Variants in TOX2 observed in about 807,000 individuals in gnomAD.
TOX2 encodes the protein granulosa cell HMG box 1.
In TOX2, 15 loss-of-function variants were observed where a neutral mutation model predicts 47.4. The observed-to-expected ratio is 0.32, with a 90% confidence interval of 0.21 to 0.49. The LOEUF (loss-of-function observed/expected upper bound fraction) is 0.49. Ranked by LOEUF, TOX2 falls within the 20% of genes least tolerant of loss-of-function variation. The pLI, the probability that TOX2 is intolerant of heterozygous loss-of-function variation, is 0.99. For missense variants in TOX2, 622 were observed against 673.1 expected (o/e 0.92, Z 0.84); for synonymous variants, 290 against 296.6 (o/e 0.98, Z 0.23).
intron 3 of TOX2, among the ~76,000 whole-genome samples, chr20:44,010,845 G>A (rs2070766915): frequency 6.6e-6 from 1 of 152,056 alleles, no homozygotes; most frequent in Non-Finnish European, 1.5e-5. Context: ...CACCAACTTG[G>A]GGGCTTAAAA....
chr20:44,016,344 G>A (rs2070877896), intron 3 of TOX2, among the ~76,000 whole-genome samples: 2 of 151,980 alleles, frequency 1.3e-5, no homozygotes, highest in South Asian at 2.1e-4. Context: ...AGCTGGTCTC[G>A]AACTCCTGAG....
At chr20:44,032,549 G>A (rs921938168) in intron 3 of TOX2, among the ~76,000 whole-genome samples, 3 of 152,116 alleles carry the variant, frequency 2.0e-5, no homozygotes, top group Non-Finnish European at 2.9e-5. Flanking sequence ...AGTTGGGGAG[G>A]CCAGAGAGGT....
intron 4 of TOX2, among the ~76,000 whole-genome samples, chr20:44,053,437 T>C (rs1050514338): frequency 1.5e-5 from 1 of 67,180 alleles, no homozygotes; most frequent in Non-Finnish European, 3.3e-5. Flanking sequence ...AGGGCAGATA[T>C]ATACACACAC....
chr20:43,983,919 T>C (rs1010389991), intron 2 of TOX2, among the ~76,000 whole-genome samples: 1 of 152,186 alleles, frequency 6.6e-6, no homozygotes, highest in African/African-American at 2.4e-5. Context: ...AGTAAATGTA[T>C]TGGAGGCAGG....
intron 1 of TOX2, among the ~76,000 whole-genome samples, chr20:43,926,834 C>A (rs752014449): frequency 6.6e-6 from 1 of 152,252 alleles, no homozygotes; most frequent in African/African-American, 2.4e-5. Context: ...ACACAGCCTG[C>A]CAGCAAGGCA....
chr20:43,994,459 C>CAAAAAAAAA (rs1555837275), intron 2 of TOX2, among the ~76,000 whole-genome samples: 1 of 128,000 alleles, frequency 7.8e-6, no homozygotes, highest in Non-Finnish European at 1.7e-5. Context: ...ACCCTGTCTC[C>CAAAAAAAAA]AAAAAAAAAA....
intron 2 of TOX2, among the ~76,000 whole-genome samples, chr20:43,978,763 T>TTGTGTGTGTGTGTGTG (rs9305120): frequency 1.4e-4 from 20 of 146,602 alleles, no homozygotes; most frequent in African/African-American, 2.5e-4. Flanking sequence ...TTGAAAGAAC[T>TTGTGTGTGTGTGTGTG]TGTGTGTGTG....
intron 4 of TOX2, among the ~76,000 whole-genome samples, chr20:44,051,943 T>C (rs2071520223): frequency 6.6e-6 from 1 of 152,068 alleles, no homozygotes; most frequent in South Asian, 2.1e-4. Context: ...CAACAAATGT[T>C]GAGGGGATGG....
intron 1 of TOX2, among the ~76,000 whole-genome samples, chr20:43,971,966 G>A (rs2069978384): frequency 6.6e-6 from 1 of 152,162 alleles, no homozygotes; most frequent in South Asian, 2.1e-4. Context: ...GTGGGGTGGT[G>A]TTGCTTTTTG....
Position 44,051,413 on chromosome 20 carries a change from G to C in TOX2, c.519G>C (p.Gln173His). The stretch of plus-strand genomic sequence containing the variant: ...CCAGCCACATGAGTGCCCTCAGCCA[G>C]TCCCAGCTCATCTCGCAGATGGGCA... ...MLASHMSALS[Q>H]SQLISQMGIR... Residue 173 changes from glutamine to histidine, a missense_variant, in exon 4 of 9, where the codon CAG (glutamine) becomes CAC (histidine). By Grantham distance (24) the Gln-to-His change is conservative. This residue lies in a region of TOX2 where 307 missense variants were observed against 327.3 expected (regional missense o/e 0.94). Transcript: ENST00000341197. 6.2e-7 allele frequency: 1 copy of C among 1,614,122 alleles called. No individual in the cohort carries two copies. The highest frequency in any genetic ancestry group is 8.5e-7 in the Non-Finnish European group (1 of 1,179,990).
chr20:43,926,791 C>T (rs1431686837), intron 1 of TOX2, among the ~76,000 whole-genome samples: 1 of 152,208 alleles, frequency 6.6e-6, no homozygotes, highest in East Asian at 1.9e-4. Context: ...ACACTTGGCA[C>T]CAGTCTCCTC....
intron 2 of TOX2, among the ~76,000 whole-genome samples, chr20:44,006,096 G>T (rs1190664032): frequency 1.3e-5 from 2 of 152,212 alleles, no homozygotes; most frequent in African/African-American, 2.4e-5. Context: ...AAATGGCCTG[G>T]CTTCCCTGGA....
rs538348090 is a variant in TOX2, at chr20:44,009,047, G to C, written c.411+2255G>C. ...ACATACACCTGTGGCACAGGAGGAGGCCTGCTTAGTTGATTTTCCTAGCAG... is the reference window on the plus strand; with the variant it reads ...ACATACACCTGTGGCACAGGAGGAGCCCTGCTTAGTTGATTTTCCTAGCAG... On this transcript the variant is annotated intron_variant, in intron 3 of 8. Coordinates refer to ENST00000341197, the MANE Select transcript of TOX2 (RefSeq NM_001098797.2). Among the ~76,000 whole-genome samples the C allele has an allele frequency of 3.3e-5, 5 of 152,290 alleles. No homozygotes were observed. In the East Asian group the frequency reaches 7.7e-4, roughly 24 times the overall value.
intron 1 of TOX2, among the ~76,000 whole-genome samples, chr20:43,965,212 G>A (rs374875139): frequency 1.4e-4 from 22 of 152,282 alleles, no homozygotes; most frequent in African/African-American, 4.6e-4. Context: ...TGTGGCTATT[G>A]GGAGTAAGAC....
intron 1 of TOX2, among the ~76,000 whole-genome samples, chr20:43,944,923 G>T (rs1046261907): frequency 2.0e-5 from 3 of 152,200 alleles, no homozygotes; most frequent in African/African-American, 7.2e-5. Flanking sequence ...TTCAAAGTCT[G>T]CCTTCTTCAT....
Position 43,915,083 on chromosome 20 carries a change from G to A in TOX2, c.99+93G>A. 1 of 708,950 alleles carries A rather than the reference G, an allele frequency of 1.4e-6. No individual in the cohort carries two copies. Among genetic ancestry groups the A allele is most frequent in the Non-Finnish European group, 1.8e-6 (1 of 553,582 alleles). The allele number at this position is 708,950 out of a possible 1,614,324, so 43.9% of individuals were successfully genotyped here. On this transcript the variant is annotated intron_variant, in intron 1 of 8. Transcript: ENST00000341197. This position sits in a 1 kb window ranked among gnomAD's most constrained non-coding sequence, Gnocchi z 7.1. The stretch of plus-strand genomic sequence containing the variant: ...CGCTCCCGGGGTCACACGGGGCCGC[G>A]CACATCAGCCCCGCCGACGGGCACG...
intron 1 of TOX2, among the ~76,000 whole-genome samples, chr20:43,947,529 C>G (rs760445757): frequency 3.3e-5 from 5 of 152,316 alleles, no homozygotes; most frequent in Admixed American, 3.3e-4. Context: ...CCAGGGAGCT[C>G]TCTTCTTGTG....
intron 1 of TOX2, among the ~76,000 whole-genome samples, chr20:43,936,796 AT>A (rs2069331520): frequency 6.6e-6 from 1 of 152,224 alleles, no homozygotes. Context: ...CCAAGCCCAT[AT>A]TCAAAGCATA....
In TOX2 at chr20:43,994,974, G is replaced by A. The variant is rs190435037; in HGVS notation, c.166-11573G>A. Among the ~76,000 whole-genome samples, 58 of 152,162 alleles carry A rather than the reference G, an allele frequency of 3.8e-4. No homozygotes were observed. In the East Asian group the frequency reaches 5.4e-3, roughly 14 times the overall value. On this transcript the variant is annotated intron_variant, in intron 2 of 8. Coordinates refer to ENST00000341197, the MANE Select transcript of TOX2 (RefSeq NM_001098797.2). Reference sequence around the variant, plus strand: ...CACTCCTGTGTGAGTGGCCTGGCTCGGCTTGGAGGTTCTGCCTGTAGATAA... The same window carrying A: ...CACTCCTGTGTGAGTGGCCTGGCTCAGCTTGGAGGTTCTGCCTGTAGATAA...
Sources: gnomAD v4.1 joint callset for allele counts (sites outside exome capture counted in the v4.1 genomes callset) on GRCh38, gnomAD v4.1.1 for gene constraint, gnomAD v4.1.1 regional missense constraint, Gnocchi (gnomAD v3.1) non-coding constraint, MANE v1.5 for transcripts, NCBI Gene and HGNC (gene_info 2026-07-23, HGNC 2026-07-21) for gene names.